MGAT3: variants seen among roughly 807,000 people sequenced by gnomAD.
The protein encoded by MGAT3 is beta-1,4-mannosyl-glycoprotein 4-beta-N-acetylglucosaminyltransferase, also known as GlcNAc-T III.
Under a neutral mutation model 29.8 loss-of-function variants are expected in MGAT3, and 9 were observed. The observed-to-expected ratio is 0.30, with a 90% CI of 0.18 to 0.53. The LOEUF (loss-of-function observed/expected upper bound fraction) is 0.53. Ranked by LOEUF, MGAT3 falls within the 20% of genes least tolerant of loss-of-function variation. The probability of loss-of-function intolerance (pLI) is 0.96; values close to 1 mark genes in which losing one functional copy is unlikely to be tolerated. For missense variants in MGAT3, 557 were observed against 769.5 expected (o/e 0.72, Z 3.27); for synonymous variants, 397 against 348.9 (o/e 1.14, Z -1.54).
chr22:39,488,239 C>T lies in MGAT3; in HGVS notation c.892C>T (p.Gln298Ter). 1.2e-6 allele frequency: 2 copies of T among 1,612,018 alleles called. No homozygotes were observed. Among genetic ancestry groups the T allele is most frequent in the Non-Finnish European group, 1.7e-6 (2 of 1,179,854 alleles). The change falls in exon 2 of 2, where the codon CAG (glutamine) becomes TAG (stop). Residue 298 changes from glutamine to a stop codon, truncating the protein, a stop_gained. Coordinates refer to ENST00000341184, the MANE Select transcript of MGAT3 (RefSeq NM_002409.5). LOFTEE classifies it high-confidence loss of function. ...ADDYLRTFLT[Q>*]DGVSRLRNLR... Reference sequence around the variant, plus strand: ...CGACTACCTGCGCACCTTCCTCACCCAGGACGGCGTCTCGCGGCTGCGCAA... The same window carrying T: ...CGACTACCTGCGCACCTTCCTCACCTAGGACGGCGTCTCGCGGCTGCGCAA...
chr22:39,469,959 C>A (rs1451246483), intron 1 of MGAT3, among the ~76,000 whole-genome samples: 1 of 152,250 alleles, frequency 6.6e-6, no homozygotes, highest in Non-Finnish European at 1.5e-5. Context: ...GCCTGCACCC[C>A]CAAACCGGAG....
At position 39,457,198 on chromosome 22, in the gene MGAT3, G is replaced by A. The variant is rs1272986009; in HGVS notation, c.-361G>A. ...GGGGGCCGGAGCCGCTTGAGCCGGC[G>A]GGAGCGGGCACCCCTGCGCGCCGCG... On this transcript the variant is annotated 5_prime_UTR_variant, in exon 1 of 2. Transcript: ENST00000341184. The surrounding 1 kb of genome is among the most constrained non-coding windows in gnomAD (Gnocchi z 6.8). 1 of 145,064 alleles carries A rather than the reference G, an allele frequency of 6.9e-6. No homozygotes were observed. The highest frequency in any genetic ancestry group is 1.5e-5 in the Non-Finnish European group (1 of 65,296). 9.0% of individuals were successfully genotyped at this position (145,064 alleles called of 1,614,324 possible).
rs1428339541 is a variant in MGAT3, at chr22:39,490,940, C to T, written c.*1991C>T. On this transcript the variant is annotated 3_prime_UTR_variant, in exon 2 of 2. Coordinates refer to ENST00000341184, the MANE Select transcript of MGAT3 (RefSeq NM_002409.5). ...AAGCTAAAGGGGATGCAGGGTCTGT[C>T]TGTCTGTCTGTCTTTCAGTCTGAGG... 6.0e-6 allele frequency: 1 copy of T among 167,114 alleles called. No individual in the cohort carries two copies. The highest frequency in any genetic ancestry group is 1.5e-5 in the Non-Finnish European group (1 of 68,140). The allele number at this position is 167,114 out of a possible 1,614,324, so 10.4% of individuals were successfully genotyped here. A position where few individuals can be genotyped will look rare whatever the true frequency, so the allele number is the denominator to read the frequency against.
chr22:39,462,103 T>C (rs561218758), intron 1 of MGAT3, among the ~76,000 whole-genome samples: 1 of 152,230 alleles, frequency 6.6e-6, no homozygotes, highest in East Asian at 1.9e-4. Flanking sequence ...GGTTTCACCA[T>C]GTGGGCCAGA....
intron 1 of MGAT3, among the ~76,000 whole-genome samples, chr22:39,461,263 T>C (rs1030752296): frequency 6.6e-6 from 1 of 151,332 alleles, no homozygotes; most frequent in Non-Finnish European, 1.5e-5. Context: ...ATGCAGAGAG[T>C]GTTGGTCAGC....
At chr22:39,476,533 G>A (rs1438193671) in intron 1 of MGAT3, 2 of 152,262 alleles carry the variant, frequency 1.3e-5, no homozygotes, top group African/African-American at 4.8e-5. Flanking sequence ...GACCAGGCCT[G>A]GCCCCTGAAG....
At chr22:39,480,131 C>G (rs1488266989) in intron 1 of MGAT3, among the ~76,000 whole-genome samples, 2 of 152,126 alleles carry the variant, frequency 1.3e-5, no homozygotes, top group African/African-American at 4.8e-5. Context: ...GGGATGGGCT[C>G]TGGCTTGGGG....
At position 39,489,257 on chromosome 22, in the gene MGAT3, G is replaced by A; in HGVS notation, c.*308G>A. The A allele has an allele frequency of 2.3e-6, 1 of 427,500 alleles. No individual in the cohort carries two copies. The highest frequency in any genetic ancestry group is 3.9e-5 in the South Asian group (1 of 25,916). The allele number at this position is 427,500 out of a possible 1,614,324, so 26.5% of individuals were successfully genotyped here. On this transcript the variant is annotated 3_prime_UTR_variant, in exon 2 of 2. Transcript: ENST00000341184. ...GTGGTGGTCCCTGGGTAGCGGGGGA[G>A]GGTAGGCAGGATTGGGGAAGAGAGC...
Position 39,488,135 on chromosome 22 carries a change from A to G in MGAT3, c.788A>G (p.Glu263Gly). The change falls in exon 2 of 2, where the codon GAG becomes GGG. Residue 263 changes from glutamate (E) to glycine (G), a missense_variant. Glu to Gly is a moderately conservative substitution (Grantham distance 98). Around this residue, in one of 3 missense-constraint regions of MGAT3, gnomAD observed 243 missense variants for 444.0 expected, o/e 0.55. Transcript: ENST00000341184. ...FREMLTNGTF[E>G]YIRHKVLYVF... ...GAGATGCTGACCAATGGCACCTTCG[A>G]GTACATCCGCCACAAGGTGCTCTAT... is the stretch of plus-strand genomic sequence containing the variant. The G allele has an allele frequency of 2.5e-6, 4 of 1,612,874 alleles. No homozygotes were observed. Among genetic ancestry groups the G allele is most frequent in the Non-Finnish European group, 2.5e-6 (3 of 1,179,902 alleles).
chr22:39,468,740 T>C (rs944462310), intron 1 of MGAT3, among the ~76,000 whole-genome samples: 5 of 151,996 alleles, frequency 3.3e-5, no homozygotes, highest in Non-Finnish European at 5.9e-5. Context: ...CTTTTTTGTG[T>C]GGGGCTCAGT....
In MGAT3 at chr22:39,491,063, C is replaced by CCACCTGTCCCCTCCCCCA. The variant is rs1156688426; in HGVS notation, c.*2119_*2120insGTCCCCTCCCCCACACCT. 1 of 167,380 alleles carries CCACCTGTCCCCTCCCCCA rather than the reference C, an allele frequency of 6.0e-6. No individual in the cohort carries two copies. Among genetic ancestry groups the CCACCTGTCCCCTCCCCCA allele is most frequent in the African/African-American group, 2.4e-5 (1 of 41,458 alleles). 10.4% of individuals were successfully genotyped at this position (167,380 alleles called of 1,614,324 possible). On this transcript the variant is annotated 3_prime_UTR_variant, in exon 2 of 2. Transcript: ENST00000341184. The surrounding 1 kb of genome is among the most constrained non-coding windows in gnomAD (Gnocchi z 5.5). Reference sequence around the variant, plus strand: ...CATCATCCCACCTGTCCCCTCCCCCCCACCTCCAGTGGGGCTTTCTCCAGA... The same window carrying CCACCTGTCCCCTCCCCCA: ...CATCATCCCACCTGTCCCCTCCCCCCCACCTGTCCCCTCCCCCACACCTCCAGTGGGGCTTTCTCCAGA...
At chr22:39,481,933 C>T (rs545763700) in intron 1 of MGAT3, among the ~76,000 whole-genome samples, 1 of 152,082 alleles carries the variant, frequency 6.6e-6, no homozygotes, top group Non-Finnish European at 1.5e-5. Flanking sequence ...ACTGTTACAC[C>T]TGATGGTTTG....
At chr22:39,472,661 G>A (rs1296469804) in intron 1 of MGAT3, 4 of 152,332 alleles carry the variant, frequency 2.6e-5, no homozygotes, top group Admixed American at 6.5e-5. Context: ...TCACAAAGGA[G>A]GAGACTGAGG....
intron 1 of MGAT3, among the ~76,000 whole-genome samples, chr22:39,473,876 CA>C (rs372822769): frequency 1.5e-4 from 23 of 151,974 alleles, no homozygotes; most frequent in African/African-American, 5.5e-4. Flanking sequence ...GGTGTGTGGG[CA>C]GGGGGCAGAT....
At chr22:39,473,274 C>T (rs1252651881) in intron 1 of MGAT3, among the ~76,000 whole-genome samples, 1 of 152,128 alleles carries the variant, frequency 6.6e-6, no homozygotes, top group Non-Finnish European at 1.5e-5. Context: ...GCTGGGAAGT[C>T]CAGGGTCGAG....
chr22:39,487,805 T>C lies in MGAT3; in HGVS notation c.458T>C (p.Leu153Pro). ...GCCCGGCGGCCACCCCGGTACCTCC[T>C]GAGCGCCCGGGAGCGCACGGGGGGC... is the stretch of plus-strand genomic sequence containing the variant. The part of the protein sequence containing the change: ...SSARRPPRYL[L>P]SARERTGGRG... The change falls in exon 2 of 2, where the codon CTG becomes CCG. Residue 153 changes from leucine to proline, a missense_variant. Around this residue, in one of 3 missense-constraint regions of MGAT3, gnomAD observed 212 missense variants for 228.5 expected, o/e 0.93. Coordinates refer to ENST00000341184, the MANE Select transcript of MGAT3 (RefSeq NM_002409.5). This position sits in a 1 kb window ranked among gnomAD's most constrained non-coding sequence, Gnocchi z 5.7. The C allele has an allele frequency of 6.7e-7, 1 of 1,494,690 alleles. No homozygotes were observed. Among genetic ancestry groups the C allele is most frequent in the Non-Finnish European group, 8.9e-7 (1 of 1,125,076 alleles). The allele number at this position is 1,494,690 out of a possible 1,614,324, so 92.6% of individuals were successfully genotyped here.
chr22:39,484,106 C>T (rs1253443341), intron 1 of MGAT3, among the ~76,000 whole-genome samples: 1 of 152,196 alleles, frequency 6.6e-6, no homozygotes, highest in African/African-American at 2.4e-5. Context: ...TTGGGCAGGT[C>T]CCTGAAGGCC....
At chr22:39,462,465 T>C (rs569276589) in intron 1 of MGAT3, among the ~76,000 whole-genome samples, 2 of 152,268 alleles carry the variant, frequency 1.3e-5, no homozygotes, top group Non-Finnish European at 2.9e-5. Context: ...GCAGCCTTGC[T>C]GTCCTGCTTA....
intron 1 of MGAT3, among the ~76,000 whole-genome samples, chr22:39,474,001 C>A (rs1928883199): frequency 6.6e-6 from 1 of 152,060 alleles, no homozygotes; most frequent in Admixed American, 6.5e-5. Flanking sequence ...GTTTTCCTGA[C>A]TTTTTGGACC....
Sources: allele counts gnomAD v4.1 joint callset (sites outside exome capture counted in the v4.1 genomes callset), GRCh38; gene constraint gnomAD v4.1.1; regional missense constraint gnomAD v4.1.1; non-coding constraint Gnocchi (gnomAD v3.1); transcripts MANE v1.5; gene names NCBI Gene and HGNC (gene_info 2026-07-23, HGNC 2026-07-21).